ADK: variants seen among roughly 807,000 people sequenced by gnomAD.
ADK encodes the protein adenosine kinase, also known as N6,N6-dimethyladenosine kinase.
In ADK, 24 loss-of-function variants were observed where a neutral mutation model predicts 44.7. The observed-to-expected ratio is 0.54, with a 90% CI of 0.39 to 0.76. The LOEUF is 0.76. ADK is among the 30% of genes least tolerant of loss of function. The pLI is 0.00. For missense variants in ADK, 321 were observed against 425.1 expected, an observed-to-expected ratio of 0.76 and a Z score of 2.15; for synonymous variants, 128 against 142.6, an observed-to-expected ratio of 0.90 and a Z score of 0.73.
intron 3 of ADK, among the ~76,000 whole-genome samples, chr10:74,298,868 C>T (rs1184126198): frequency 6.6e-6 from 1 of 152,030 alleles, no homozygotes; most frequent in Non-Finnish European, 1.5e-5. Context: ...CCGTTTGATC[C>T]CAGGAGTTTG....
intron 3 of ADK, among the ~76,000 whole-genome samples, chr10:74,309,240 A>G (rs191810751): frequency 6.6e-6 from 1 of 152,252 alleles, no homozygotes; most frequent in East Asian, 1.9e-4. Flanking sequence ...CATTTTCTAA[A>G]TGCATCCTAA....
intron 6 of ADK, among the ~76,000 whole-genome samples, chr10:74,423,241 A>G (rs1735474946): frequency 6.6e-6 from 1 of 152,234 alleles, no homozygotes; most frequent in South Asian, 2.1e-4. Context: ...TTGAATTAGT[A>G]TTTGTACAGA....
Position 74,556,379 on chromosome 10 carries a change from C to T in ADK, c.726+30953C>T, listed in dbSNP as rs148086397. On this transcript the variant is annotated intron_variant, in intron 7 of 10. Transcript: ENST00000539909. ...TCCATAACCTTCTCAGTGCAGATAG[C>T]TTATCATTGATTTAGAAAGCTTTCA... Among the ~76,000 whole-genome samples, 3 of 152,268 alleles carry T rather than the reference C, an allele frequency of 2.0e-5. No individual in the cohort carries two copies. In the East Asian group the frequency reaches 5.8e-4, roughly 29 times the overall value.
At chr10:74,573,431 G>A (rs1391058222) in intron 7 of ADK, among the ~76,000 whole-genome samples, 1 of 152,240 alleles carries the variant, frequency 6.6e-6, no homozygotes, top group Non-Finnish European at 1.5e-5. Flanking sequence ...ATGCCTCCCA[G>A]TTAGGCTGCT....
intron 9 of ADK, among the ~76,000 whole-genome samples, chr10:74,621,892 A>T (rs1853007160): frequency 6.6e-6 from 1 of 152,158 alleles, no homozygotes; most frequent in South Asian, 2.1e-4. Flanking sequence ...CTTCTATACC[A>T]TGGCCCTCCT....
intron 4 of ADK, among the ~76,000 whole-genome samples, chr10:74,358,659 C>A (rs980836251): frequency 6.6e-6 from 1 of 152,164 alleles, no homozygotes; most frequent in African/African-American, 2.4e-5. Context: ...GCTAGGAATT[C>A]TTGTGTTTGG....
intron 7 of ADK, among the ~76,000 whole-genome samples, chr10:74,583,519 G>T (rs1171629679): frequency 1.3e-5 from 2 of 152,096 alleles, no homozygotes; most frequent in African/African-American, 2.4e-5. Flanking sequence ...TTTCTTTCCA[G>T]AATTTGCTTA....
intron 10 of ADK, among the ~76,000 whole-genome samples, chr10:74,692,814 A>G (rs370429854): frequency 1.3e-5 from 2 of 152,242 alleles, no homozygotes; most frequent in African/African-American, 4.8e-5. Context: ...ACAATAGGCT[A>G]TACCATCTAG....
intron 3 of ADK, among the ~76,000 whole-genome samples, chr10:74,243,271 C>T (rs1472565142): frequency 2.6e-5 from 4 of 152,190 alleles, no homozygotes; most frequent in Non-Finnish European, 4.4e-5. Context: ...CCGGCCAGGT[C>T]CTGCACTCTC....
At chr10:74,342,551 C>T (rs1056307746) in intron 4 of ADK, among the ~76,000 whole-genome samples, 1 of 152,190 alleles carries the variant, frequency 6.6e-6, no homozygotes, top group African/African-American at 2.4e-5. Flanking sequence ...TGGCTCACTG[C>T]AGCCACAATC....
At chr10:74,556,968 T>C (rs944139894) in intron 7 of ADK, among the ~76,000 whole-genome samples, 1 of 152,204 alleles carries the variant, frequency 6.6e-6, no homozygotes, top group Non-Finnish European at 1.5e-5. Flanking sequence ...CAGATACTTA[T>C]TTGAAACAGT....
intron 10 of ADK, among the ~76,000 whole-genome samples, chr10:74,674,349 G>C (rs1228925900): frequency 6.6e-6 from 1 of 152,178 alleles, no homozygotes; most frequent in Non-Finnish European, 1.5e-5. Context: ...AATAACAGCT[G>C]TTGGCTTGAC....
At chr10:74,675,541 G>GGATT (rs2134213466) in intron 10 of ADK, among the ~76,000 whole-genome samples, 1 of 152,224 alleles carries the variant, frequency 6.6e-6, no homozygotes, top group African/African-American at 2.4e-5. Context: ...CCAAGTGCTA[G>GGATT]GATTGTACTC....
At chr10:74,635,135 G>A (rs889103651) in intron 9 of ADK, among the ~76,000 whole-genome samples, 1 of 152,190 alleles carries the variant, frequency 6.6e-6, no homozygotes, top group African/African-American at 2.4e-5. Context: ...ACAGATTTGG[G>A]AAGCCCTGTG....
At chr10:74,591,758 A>G (rs2133930063) in intron 8 of ADK, among the ~76,000 whole-genome samples, 1 of 152,314 alleles carries the variant, frequency 6.6e-6, no homozygotes, top group African/African-American at 2.4e-5. Context: ...CTAAATTTGG[A>G]GCATGAATGA....
Position 74,408,049 on chromosome 10 carries a change from G to A in ADK, c.555+9470G>A, listed in dbSNP as rs546665440. ...GGCTGGAGTGCAGTGACACAATCTC[G>A]GCTCACTGCAACCTCCATCTCCTGG... On this transcript the variant is annotated intron_variant, in intron 6 of 10. Coordinates refer to ENST00000539909, the MANE Select transcript of ADK (RefSeq NM_006721.4). 2.3e-3 allele frequency among the ~76,000 whole-genome samples: 344 copies of A among 151,762 alleles called. 2 individuals are homozygous for A. The highest frequency in any genetic ancestry group is 7.7e-3 in the African/African-American group (320 of 41,380).
intron 3 of ADK, among the ~76,000 whole-genome samples, chr10:74,285,266 G>A (rs1847117526): frequency 1.3e-5 from 2 of 152,294 alleles, no homozygotes; most frequent in South Asian, 4.1e-4. Flanking sequence ...ATTAAGCTGA[G>A]TATTTAAAGA....
chr10:74,362,023 T>C (rs1213750054), intron 4 of ADK, among the ~76,000 whole-genome samples: 3 of 152,200 alleles, frequency 2.0e-5, no homozygotes, highest in African/African-American at 2.4e-5. Context: ...GTGAGTTTGA[T>C]TATAATGTGT....
At chr10:74,336,159 A>T (rs1460414322) in intron 4 of ADK, among the ~76,000 whole-genome samples, 2 of 151,794 alleles carry the variant, frequency 1.3e-5, no homozygotes, top group Non-Finnish European at 2.9e-5. Flanking sequence ...TAGATCTGTG[A>T]TCCATTTTGA....
Sources: allele counts gnomAD v4.1 joint callset (sites outside exome capture counted in the v4.1 genomes callset), GRCh38; gene constraint gnomAD v4.1.1; transcripts MANE v1.5; gene names NCBI Gene and HGNC (gene_info 2026-07-23, HGNC 2026-07-21).